Variants in CWC27 observed in about 807,000 individuals in gnomAD.
The protein encoded by CWC27 is spliceosome-associated protein CWC27 homolog.
In CWC27, 47 loss-of-function variants were observed where a neutral mutation model predicts 63.6. That is an observed-to-expected ratio of 0.74 (90% CI 0.58 to 0.94). CWC27 has a LOEUF of 0.94. Ranked by LOEUF, CWC27 falls within the 40% of genes least tolerant of loss-of-function variation. The pLI is 0.00. For synonymous variants in CWC27, 175 were observed against 179.8 expected, an observed-to-expected ratio of 0.97 and a Z score of 0.22; for missense variants, 495 against 554.3, an observed-to-expected ratio of 0.89 and a Z score of 1.07.
At chr5:64,999,981 C>T (rs766763333) in intron 13 of CWC27, among the ~76,000 whole-genome samples, 12 of 152,054 alleles carry the variant, frequency 7.9e-5, no homozygotes, top group Admixed American at 3.9e-4. Flanking sequence ...CCTTTCTCTG[C>T]ATCCTCACCA....
chr5:64,832,995 T>C (rs1264139535), intron 10 of CWC27, among the ~76,000 whole-genome samples: 1 of 151,740 alleles, frequency 6.6e-6, no homozygotes, highest in East Asian at 1.9e-4. Flanking sequence ...AATCTAGAGA[T>C]CTAGAGCAAG....
In CWC27 at chr5:64,895,696, T is replaced by C. The variant is rs1747356926; in HGVS notation, c.1042+10150T>C. 2.6e-5 allele frequency among the ~76,000 whole-genome samples: 4 copies of C among 152,288 alleles called. No individual in the cohort carries two copies. In the South Asian group the frequency reaches 8.3e-4, roughly 32 times the overall value. On this transcript the variant is annotated intron_variant, in intron 11 of 13. Coordinates refer to ENST00000381070, the MANE Select transcript of CWC27 (RefSeq NM_005869.4). ...ACACTAAATGTTAAGTAAGTGTGTG[T>C]AATATATTTCAAGAAATGATAGGCT...
chr5:64,820,370 A>G (rs1561421805), intron 10 of CWC27, among the ~76,000 whole-genome samples: 1 of 151,570 alleles, frequency 6.6e-6, no homozygotes. Context: ...TATCTGCTTC[A>G]CATCACTCAA....
chr5:64,816,941 AT>A (rs1174167151), intron 10 of CWC27, among the ~76,000 whole-genome samples: 1 of 152,072 alleles, frequency 6.6e-6, no homozygotes, highest in Non-Finnish European at 1.5e-5. Context: ...CTTGTATTTC[AT>A]TAAGAAACAG....
chr5:64,907,483 G>A (rs959894385), intron 11 of CWC27, among the ~76,000 whole-genome samples: 42 of 152,122 alleles, frequency 2.8e-4, no homozygotes, highest in African/African-American at 9.2e-4. Flanking sequence ...TTGGCATATA[G>A]GAATGCTTGT....
intron 10 of CWC27, among the ~76,000 whole-genome samples, chr5:64,814,973 T>G (rs1343844222): frequency 6.6e-6 from 1 of 152,056 alleles, no homozygotes; most frequent in Non-Finnish European, 1.5e-5. Flanking sequence ...GAAGGTATAT[T>G]TCAAATATAC....
intron 13 of CWC27, among the ~76,000 whole-genome samples, chr5:65,006,308 T>C (rs554887813): frequency 3.9e-4 from 60 of 152,320 alleles, no homozygotes; most frequent in African/African-American, 1.4e-3. Context: ...GGAAGCTAAG[T>C]TACTTGCATA....
Position 64,986,736 on chromosome 5 carries a change from A to G in CWC27, c.1256+9498A>G, listed in dbSNP as rs148325498. Among the ~76,000 whole-genome samples, 223 of 151,432 alleles carry G rather than the reference A, an allele frequency of 1.5e-3. 1 individual carries two copies. Among genetic ancestry groups the G allele is most frequent in the African/African-American group, 5.3e-3 (217 of 41,080 alleles). On this transcript the variant is annotated intron_variant, in intron 13 of 13. Transcript: ENST00000381070. ...GTTTCTTACTGTCATGCTAATCCACACTCAGCTTCCTGCAGTTCATTAAAA... is the reference window on the plus strand; with the variant it reads ...GTTTCTTACTGTCATGCTAATCCACGCTCAGCTTCCTGCAGTTCATTAAAA...
At position 64,990,423 on chromosome 5, in the gene CWC27, C is replaced by T. The variant is rs1415621584; in HGVS notation, c.1256+13185C>T. ...GGGACTACAGGCGCCCGCCACTACGCCCGGCTAATTTTTTTGTATTTTTAG... is the reference window on the plus strand; with the variant it reads ...GGGACTACAGGCGCCCGCCACTACGTCCGGCTAATTTTTTTGTATTTTTAG... On this transcript the variant is annotated intron_variant, in intron 13 of 13. Coordinates refer to ENST00000381070, the MANE Select transcript of CWC27 (RefSeq NM_005869.4). Among the ~76,000 whole-genome samples the T allele has an allele frequency of 1.0e-4, 11 of 108,118 alleles. 1 individual carries two copies. The highest frequency in any genetic ancestry group is 2.0e-4 in the Non-Finnish European group (10 of 49,920). 70.9% of individuals were successfully genotyped at this position (108,118 alleles called of 152,430 possible). A position where few individuals can be genotyped will look rare whatever the true frequency, so the allele number is the denominator to read the frequency against.
At chr5:64,954,392 G>A (rs1327082394) in intron 11 of CWC27, among the ~76,000 whole-genome samples, 5 of 151,978 alleles carry the variant, frequency 3.3e-5, no homozygotes, top group Admixed American at 1.3e-4. Flanking sequence ...GGGCTCAGGC[G>A]ATCCTCCCGA....
chr5:64,885,928 A>G (rs1359422300), intron 11 of CWC27, among the ~76,000 whole-genome samples: 1 of 152,140 alleles, frequency 6.6e-6, no homozygotes, highest in Non-Finnish European at 1.5e-5. Flanking sequence ...TTAAAAGTGC[A>G]CAAGGGTGGA....
At chr5:64,946,067 T>A (rs1246170158) in intron 11 of CWC27, among the ~76,000 whole-genome samples, 3 of 152,142 alleles carry the variant, frequency 2.0e-5, no homozygotes, top group Non-Finnish European at 1.5e-5. Context: ...ATCATTCCCA[T>A]CTTTTCCCAA....
intron 13 of CWC27, among the ~76,000 whole-genome samples, chr5:65,006,424 A>C (rs1749843198): frequency 6.6e-6 from 1 of 152,154 alleles, no homozygotes; most frequent in South Asian, 2.1e-4. Context: ...ACAACCACAT[A>C]ATTTTTGAAA....
chr5:64,790,324 A>G (rs532826978), intron 7 of CWC27, among the ~76,000 whole-genome samples: 1 of 152,256 alleles, frequency 6.6e-6, no homozygotes, highest in East Asian at 1.9e-4. Context: ...AACGTCACCA[A>G]TCACTCTGTC....
chr5:64,995,243 A>T (rs972652032), intron 13 of CWC27, among the ~76,000 whole-genome samples: 3 of 152,148 alleles, frequency 2.0e-5, no homozygotes, highest in Non-Finnish European at 4.4e-5. Context: ...AAGTGCTAGG[A>T]TTACAGGTAT....
intron 11 of CWC27, among the ~76,000 whole-genome samples, chr5:64,919,589 T>C (rs1178836316): frequency 6.6e-6 from 1 of 152,194 alleles, no homozygotes; most frequent in African/African-American, 2.4e-5. Flanking sequence ...CTTCCACTTA[T>C]AAGTGGGAAC....
At chr5:64,972,705 C>T (rs763101486) in intron 12 of CWC27, 7 of 452,932 alleles carry the variant, frequency 1.5e-5, no homozygotes, top group Non-Finnish European at 8.9e-6. Flanking sequence ...TAAATAGCAA[C>T]CATAGTGACT....
chr5:64,905,403 T>C (rs1412395866), intron 11 of CWC27, among the ~76,000 whole-genome samples: 3 of 152,054 alleles, frequency 2.0e-5, no homozygotes, highest in Admixed American at 6.6e-5. Flanking sequence ...TTCTTTACTT[T>C]CTGTCTTTTA....
intron 11 of CWC27, among the ~76,000 whole-genome samples, chr5:64,900,475 A>C (rs1747475605): frequency 6.6e-6 from 1 of 152,158 alleles, no homozygotes; most frequent in South Asian, 2.1e-4. Context: ...TATCAGATAT[A>C]TGATTTGTAA....
Sources: gnomAD v4.1 joint callset for allele counts (sites outside exome capture counted in the v4.1 genomes callset) on GRCh38, gnomAD v4.1.1 for gene constraint, MANE v1.5 for transcripts, NCBI Gene and HGNC (gene_info 2026-07-23, HGNC 2026-07-21) for gene names.